PDIA5: variants seen among roughly 807,000 people sequenced by gnomAD.
The protein encoded by PDIA5 is protein disulfide isomerase family A member 5.
A neutral mutation model predicts 77.6 loss-of-function variants in PDIA5; 58 were observed. The ratio of observed to expected loss-of-function variants is 0.75; its 90% CI spans 0.61 to 0.93. The LOEUF is 0.93. Among genes scored for constraint, PDIA5 ranks in the 40% least tolerant of loss-of-function variants. The pLI, the probability that PDIA5 is intolerant of heterozygous loss-of-function variation, is 0.00. For missense variants in PDIA5, 630 were observed against 647.7 expected (o/e 0.97, Z 0.30); for synonymous variants, 250 against 252.1 (o/e 0.99, Z 0.08).
intron 7 of PDIA5, among the ~76,000 whole-genome samples, chr3:123,114,549 G>A (rs541914827): frequency 7.9e-5 from 12 of 152,312 alleles, no homozygotes; most frequent in Admixed American, 2.0e-4. Flanking sequence ...TGCAGACCTC[G>A]GTCTCAGCCT....
chr3:123,119,563 G>A (rs371878394), intron 8 of PDIA5, among the ~76,000 whole-genome samples: 9 of 152,292 alleles, frequency 5.9e-5, no homozygotes, highest in East Asian at 5.8e-4. Flanking sequence ...GGCCCTGGCC[G>A]CTGCACGCAT....
At chr3:123,127,332 A>T (rs1162429310) in intron 10 of PDIA5, among the ~76,000 whole-genome samples, 1 of 152,174 alleles carries the variant, frequency 6.6e-6, no homozygotes, top group East Asian at 1.9e-4. Flanking sequence ...CAATGTTTGC[A>T]TTTCCTCACT....
intron 1 of PDIA5, among the ~76,000 whole-genome samples, chr3:123,077,901 C>T (rs1478002342): frequency 1.3e-5 from 2 of 151,968 alleles, no homozygotes; most frequent in African/African-American, 4.8e-5. Context: ...CCTCTGCCTC[C>T]CAGGTTCAAG....
intron 8 of PDIA5, among the ~76,000 whole-genome samples, chr3:123,117,463 G>A (rs1480963596): frequency 2.7e-5 from 4 of 146,996 alleles, no homozygotes; most frequent in Admixed American, 2.1e-4. Flanking sequence ...GAGCTCAACC[G>A]ATCTTCCCGT....
intron 2 of PDIA5, among the ~76,000 whole-genome samples, chr3:123,089,985 T>TA (rs1218639773): frequency 3.9e-5 from 6 of 152,224 alleles, no homozygotes; most frequent in Non-Finnish European, 1.5e-5. Context: ...CCAGCAGAGT[T>TA]AAGTGTTTTT....
chr3:123,154,628 G>A (rs928450029), intron 14 of PDIA5, among the ~76,000 whole-genome samples: 5 of 152,080 alleles, frequency 3.3e-5, no homozygotes, highest in African/African-American at 1.2e-4. Flanking sequence ...AGAATCCCGT[G>A]CCTTCCTCTT....
chr3:123,098,009 G>A (rs899741215), intron 3 of PDIA5, among the ~76,000 whole-genome samples: 2 of 152,218 alleles, frequency 1.3e-5, no homozygotes, highest in Non-Finnish European at 2.9e-5. Context: ...GTGGCTGACT[G>A]AGGATCTGGT....
intron 1 of PDIA5, among the ~76,000 whole-genome samples, chr3:123,070,539 T>C (rs1042772180): frequency 1.3e-5 from 2 of 152,096 alleles, no homozygotes; most frequent in African/African-American, 4.8e-5. Context: ...GTGGGACAGG[T>C]TAGTTCCAAG....
chr3:123,139,549 A>G (rs1935576813), intron 11 of PDIA5, among the ~76,000 whole-genome samples: 1 of 152,206 alleles, frequency 6.6e-6, no homozygotes, highest in South Asian at 2.1e-4. Context: ...ACTTTAGAAC[A>G]GCATCCTTAG....
chr3:123,136,536 C>T (rs369564561), intron 11 of PDIA5, among the ~76,000 whole-genome samples: 2 of 151,898 alleles, frequency 1.3e-5, no homozygotes, highest in African/African-American at 2.4e-5. Context: ...GTCAGAAGTT[C>T]GAGACCAGCC....
chr3:123,073,222 C>T (rs1933770119), intron 1 of PDIA5, among the ~76,000 whole-genome samples: 1 of 152,190 alleles, frequency 6.6e-6, no homozygotes, highest in Non-Finnish European at 1.5e-5. Flanking sequence ...TAGCCCAGTA[C>T]CATCATCCCT....
intron 6 of PDIA5, 31 bp from the exon 7 acceptor site, chr3:123,110,913 G>T: frequency 2.5e-6 from 4 of 1,584,784 alleles, no homozygotes; most frequent in South Asian, 1.1e-5. Flanking sequence ...TGTTGTGTGC[G>T]AGCTGCTGGT....
At chr3:123,149,307 G>A (rs1935832955) in intron 13 of PDIA5, among the ~76,000 whole-genome samples, 1 of 152,240 alleles carries the variant, frequency 6.6e-6, no homozygotes, top group East Asian at 1.9e-4. Flanking sequence ...AATCACTGGA[G>A]CCATGCAGAG....
At chr3:123,124,674 T>C (rs1285412579) in intron 10 of PDIA5, among the ~76,000 whole-genome samples, 1 of 152,220 alleles carries the variant, frequency 6.6e-6, no homozygotes, top group Non-Finnish European at 1.5e-5. Flanking sequence ...TCTTCTGGAA[T>C]AGTCAGGGCC....
intron 15 of PDIA5, among the ~76,000 whole-genome samples, chr3:123,155,544 C>T (rs895771040): frequency 4.6e-5 from 7 of 152,182 alleles, no homozygotes; most frequent in African/African-American, 7.2e-5. Context: ...CCTCCAGGCG[C>T]GTCCCCCAGG....
chr3:123,154,958 C>G lies in PDIA5; in HGVS notation c.1274-13C>G, dbSNP rs778189647. The G allele has an allele frequency of 3.8e-6, 6 of 1,577,788 alleles. No individual in the cohort carries two copies. Among genetic ancestry groups the G allele is most frequent in the Non-Finnish European group, 5.2e-6 (6 of 1,146,960 alleles). ...CATCACAGTCCTGTGTGCTCTCTTC[C>G]CCTCTCACACAGGGTGCCCACACTG... On this transcript the variant is annotated splice_polypyrimidine_tract_variant and intron_variant, in intron 14 of 16. Coordinates refer to ENST00000316218, the MANE Select transcript of PDIA5 (RefSeq NM_006810.4).
intron 11 of PDIA5, among the ~76,000 whole-genome samples, chr3:123,142,211 C>T (rs891725101): frequency 1.3e-5 from 2 of 152,214 alleles, no homozygotes; most frequent in Non-Finnish European, 2.9e-5. Context: ...CCCACTGGAT[C>T]GCGGGCTGCA....
rs115935347 is a variant in PDIA5, at chr3:123,110,713, G to A, written c.481-231G>A. ...GCCTCAGTTTTCCCATCTGTAATAC[G>A]TGAGGGTGGTCTCGAATAGATCATC... is the stretch of plus-strand genomic sequence containing the variant. On this transcript the variant is annotated intron_variant, in intron 6 of 16. Coordinates refer to ENST00000316218, the MANE Select transcript of PDIA5 (RefSeq NM_006810.4). Among the ~76,000 whole-genome samples the A allele has an allele frequency of 5.8e-3, 879 of 152,216 alleles. 14 individuals are homozygous for A. Among genetic ancestry groups the A allele is most frequent in the African/African-American group, 0.02 (824 of 41,520 alleles).
intron 13 of PDIA5, among the ~76,000 whole-genome samples, chr3:123,148,515 G>T (rs1935817852): frequency 6.6e-6 from 1 of 151,764 alleles, no homozygotes; most frequent in Admixed American, 6.6e-5. Context: ...GCTACAGTGA[G>T]CTGGGATGGT....
Sources: gnomAD v4.1 joint callset for allele counts (sites outside exome capture counted in the v4.1 genomes callset) on GRCh38, gnomAD v4.1.1 for gene constraint, MANE v1.5 for transcripts, NCBI Gene and HGNC (gene_info 2026-07-23, HGNC 2026-07-21) for gene names.